Variants in HPCAL1 observed in about 807,000 individuals in gnomAD.
HPCAL1 encodes hippocalcin like 1.
A neutral mutation model predicts 17.1 loss-of-function variants in HPCAL1; 8 were observed. That is an observed-to-expected ratio of 0.47 (90% CI 0.27 to 0.84). The LOEUF (loss-of-function observed/expected upper bound fraction) is 0.84, where lower values mean the gene tolerates loss of function less well. HPCAL1 is among the 40% of genes least tolerant of loss of function. The pLI, the probability that HPCAL1 is intolerant of heterozygous loss-of-function variation, is 0.13. For synonymous variants in HPCAL1, 112 were observed against 111.4 expected, an observed-to-expected ratio of 1.01 and a Z score of -0.03; for missense variants, 165 against 271.1, an observed-to-expected ratio of 0.61 and a Z score of 2.75.
intron 1 of HPCAL1, among the ~76,000 whole-genome samples, chr2:10,393,012 G>A (rs1303713085): frequency 6.6e-6 from 1 of 152,226 alleles, no homozygotes; most frequent in African/African-American, 2.4e-5. Context: ...CCTAAGGTGT[G>A]ACGCCCCAGC....
chr2:10,339,164 T>G (rs947381562), intron 1 of HPCAL1, among the ~76,000 whole-genome samples: 1 of 152,058 alleles, frequency 6.6e-6, no homozygotes, highest in African/African-American at 2.4e-5. Flanking sequence ...AAAAAAAAAT[T>G]TTTTTTGAGA....
chr2:10,336,127 C>T (rs552776747), intron 1 of HPCAL1, among the ~76,000 whole-genome samples: 3 of 149,422 alleles, frequency 2.0e-5, no homozygotes, highest in African/African-American at 7.6e-5. Context: ...ATTGCATGTT[C>T]GTATCCTCTG....
chr2:10,401,945 G>C, intron 2 of HPCAL1, among the ~76,000 whole-genome samples: 1 of 152,208 alleles, frequency 6.6e-6, no homozygotes, highest in Admixed American at 6.5e-5. Context: ...GTGTCTCCCA[G>C]GCTGGAGTGC....
chr2:10,329,052 A>G (rs1664191043), intron 1 of HPCAL1, among the ~76,000 whole-genome samples: 1 of 151,814 alleles, frequency 6.6e-6, no homozygotes, highest in African/African-American at 2.4e-5. Context: ...CTAGTCTCCA[A>G]CTCCTGGGTT....
At position 10,363,034 on chromosome 2, in the gene HPCAL1, T is replaced by G. The variant is rs570394057; in HGVS notation, c.-110-33801T>G. On this transcript the variant is annotated intron_variant, in intron 1 of 4. Transcript: ENST00000307845. The surrounding 1 kb of genome is among the most constrained non-coding windows in gnomAD (Gnocchi z 4.7). ...ATTTTGGGAGGCCAAGGTGGGAGGA[T>G]TACTTGAGCCTAGGAGGTTGAGGCT... Among the ~76,000 whole-genome samples, 1 of 152,252 alleles carries G rather than the reference T, an allele frequency of 6.6e-6. No individual in the cohort carries two copies. The highest frequency in any genetic ancestry group is 6.5e-5 in the Admixed American group (1 of 15,302).
chr2:10,415,527 C>T (rs767296242), intron 2 of HPCAL1, among the ~76,000 whole-genome samples: 20 of 152,244 alleles, frequency 1.3e-4, no homozygotes, highest in Non-Finnish European at 2.5e-4. Context: ...TTCTCACCCC[C>T]GTGCTCCCCG....
intron 1 of HPCAL1, among the ~76,000 whole-genome samples, chr2:10,337,928 G>T (rs1167649717): frequency 1.3e-5 from 2 of 152,194 alleles, no homozygotes; most frequent in South Asian, 4.1e-4. Context: ...GGCTTAGTCT[G>T]TATTTAGGTA....
In HPCAL1 at chr2:10,354,373, C is replaced by T. The variant is rs1666011556; in HGVS notation, c.-110-42462C>T. ...GAAGCTTCCCAGGGCCTGCTATCTT[C>T]CCTGTACTGTAAGGGGACACTTTGC... On this transcript the variant is annotated intron_variant, in intron 1 of 4. Coordinates refer to ENST00000307845, the MANE Select transcript of HPCAL1 (RefSeq NM_002149.4). This position sits in a 1 kb window ranked among gnomAD's most constrained non-coding sequence, Gnocchi z 5.1. 1 of 152,258 alleles carries T rather than the reference C, an allele frequency of 6.6e-6. No individual in the cohort carries two copies. Among genetic ancestry groups the T allele is most frequent in the Admixed American group, 6.5e-5 (1 of 15,286 alleles). The allele number at this position is 152,258 out of a possible 1,614,324, so 9.4% of individuals were successfully genotyped here.
rs1666802638 is a variant in HPCAL1 at position 10,365,629 on chromosome 2, C to G, written c.-110-31206C>G. Among the ~76,000 whole-genome samples the G allele has an allele frequency of 6.6e-6, 1 of 152,138 alleles. No homozygotes were observed. Among genetic ancestry groups the G allele is most frequent in the Non-Finnish European group, 1.5e-5 (1 of 68,026 alleles). On this transcript the variant is annotated intron_variant, in intron 1 of 4. Coordinates refer to ENST00000307845, the MANE Select transcript of HPCAL1 (RefSeq NM_002149.4). This position sits in a 1 kb window ranked among gnomAD's most constrained non-coding sequence, Gnocchi z 4.8. The stretch of plus-strand genomic sequence containing the variant: ...CCCCCGACCGCACACCTCCCTCCCC[C>G]TTAGCTGCTTCGAAGCCAAAGGTGT...
chr2:10,413,916 CA>C (rs1322672653), intron 2 of HPCAL1, among the ~76,000 whole-genome samples: 1 of 152,180 alleles, frequency 6.6e-6, no homozygotes, highest in Non-Finnish European at 1.5e-5. Context: ...ATGAAAAATG[CA>C]GGGGTGCAAA....
rs956005091 is a variant in HPCAL1 at position 10,394,176 on chromosome 2, A to G, written c.-110-2659A>G. Among the ~76,000 whole-genome samples the G allele has an allele frequency of 1.5e-4, 23 of 152,070 alleles. 1 individual carries two copies. Among genetic ancestry groups the G allele is most frequent in the Admixed American group, 1.4e-3 (21 of 15,262 alleles). On this transcript the variant is annotated intron_variant, in intron 1 of 4. Coordinates refer to ENST00000307845, the MANE Select transcript of HPCAL1 (RefSeq NM_002149.4). The surrounding 1 kb of genome is among the most constrained non-coding windows in gnomAD (Gnocchi z 5.0). ...TAACCAGAGCAGCTGAAAAGAACAG[A>G]GCATGGGTTTGGGGATTTGTGTTTT...
At chr2:10,320,117 G>A (rs890639807) in intron 1 of HPCAL1, among the ~76,000 whole-genome samples, 1 of 152,142 alleles carries the variant, frequency 6.6e-6, no homozygotes. Context: ...CAGGCATCCT[G>A]TGGAGGCACT....
intron 1 of HPCAL1, among the ~76,000 whole-genome samples, chr2:10,339,777 G>C (rs530652076): frequency 8.5e-5 from 13 of 152,368 alleles, no homozygotes; most frequent in African/African-American, 3.1e-4. Context: ...AAGATTCGGA[G>C]ATAGCTCGCC....
intron 1 of HPCAL1, among the ~76,000 whole-genome samples, chr2:10,329,140 T>A (rs1664196259): frequency 6.6e-6 from 1 of 152,170 alleles, no homozygotes; most frequent in South Asian, 2.1e-4. Flanking sequence ...CTAGGGGTTC[T>A]TATGCACCTA....
At chr2:10,386,496 C>G (rs546569681) in intron 1 of HPCAL1, among the ~76,000 whole-genome samples, 1 of 152,132 alleles carries the variant, frequency 6.6e-6, no homozygotes, top group Non-Finnish European at 1.5e-5. Flanking sequence ...AAAGACCCCC[C>G]CCCAGGTTAC....
chr2:10,322,768 G>T (rs1480297189), intron 1 of HPCAL1, among the ~76,000 whole-genome samples: 1 of 152,204 alleles, frequency 6.6e-6, no homozygotes, highest in South Asian at 2.1e-4. Flanking sequence ...GCATTCTTGA[G>T]CTACCGCCTG....
chr2:10,373,895 C>T (rs1202683449), intron 1 of HPCAL1, among the ~76,000 whole-genome samples: 1 of 152,212 alleles, frequency 6.6e-6, no homozygotes, highest in Non-Finnish European at 1.5e-5. Flanking sequence ...ACTTCTGGGC[C>T]AGACAACCCG....
At chr2:10,341,277 C>T (rs148156485) in intron 1 of HPCAL1, among the ~76,000 whole-genome samples, 7,185 of 151,742 alleles carry the variant, frequency 0.047, 547 homozygotes, top group African/African-American at 0.16. Context: ...CTGGGCAACA[C>T]GGTGAAACCC....
At chr2:10,351,577 G>A (rs149166687) in intron 1 of HPCAL1, among the ~76,000 whole-genome samples, 59 of 152,256 alleles carry the variant, frequency 3.9e-4, no homozygotes, top group African/African-American at 1.4e-3. Flanking sequence ...GGGCAACATG[G>A]CGAGACCTCT....
Sources: allele counts gnomAD v4.1 joint callset (sites outside exome capture counted in the v4.1 genomes callset), GRCh38; gene constraint gnomAD v4.1.1; non-coding constraint Gnocchi (gnomAD v3.1); transcripts MANE v1.5; gene names NCBI Gene and HGNC (gene_info 2026-07-23, HGNC 2026-07-21).